The following PARD3B variants were observed in gnomAD, a reference collection of about 807,000 sequenced individuals.
PARD3B encodes the protein partitioning defective 3 homolog B.
In PARD3B, 103 loss-of-function variants were observed where a neutral mutation model predicts 130.2. The observed-to-expected ratio is 0.79, with a 90% CI of 0.67 to 0.93. The LOEUF (loss-of-function observed/expected upper bound fraction) is 0.93, where lower values mean the gene tolerates loss of function less well. Ranked by LOEUF, PARD3B falls within the 40% of genes least tolerant of loss-of-function variation. The pLI, the probability that PARD3B is intolerant of heterozygous loss-of-function variation, is 0.00. For synonymous variants in PARD3B, 583 were observed against 553.2 expected (o/e 1.05, Z -0.76); for missense variants, 1,609 against 1,499.2 (o/e 1.07, Z -1.21).
At chr2:205,355,806 G>A (rs762048460) in intron 18 of PARD3B, among the ~76,000 whole-genome samples, 14 of 152,162 alleles carry the variant, frequency 9.2e-5, no homozygotes, top group Non-Finnish European at 1.6e-4. Context: ...GGCAGAAAGC[G>A]AAGGGCAAGC....
chr2:204,895,570 TA>T (rs1432479838), intron 2 of PARD3B, among the ~76,000 whole-genome samples: 1 of 152,142 alleles, frequency 6.6e-6, no homozygotes, highest in Non-Finnish European at 1.5e-5. Context: ...CTAAGAAAAT[TA>T]TTATTGTTGC....
chr2:205,184,899 A>C (rs1001877634), intron 13 of PARD3B, among the ~76,000 whole-genome samples: 1 of 152,176 alleles, frequency 6.6e-6, no homozygotes, highest in Non-Finnish European at 1.5e-5. Context: ...TGCCAAGTTC[A>C]CACAGCAGTA....
chr2:205,569,327 T>G (rs915645753), intron 22 of PARD3B, among the ~76,000 whole-genome samples: 2 of 152,204 alleles, frequency 1.3e-5, no homozygotes, highest in African/African-American at 4.8e-5. Context: ...TTAAGCTATC[T>G]TTATGGTAAT....
At chr2:205,582,983 G>T (rs2054048725) in intron 22 of PARD3B, among the ~76,000 whole-genome samples, 1 of 152,126 alleles carries the variant, frequency 6.6e-6, no homozygotes, top group South Asian at 2.1e-4. Flanking sequence ...TATGGCAGGT[G>T]GGGGGAAGGG....
At position 205,473,654 on chromosome 2, in the gene PARD3B, ATGTGTG is replaced by A. The variant is rs751534704; in HGVS notation, c.3045-26220_3045-26215del. Among the ~76,000 whole-genome samples the A allele has an allele frequency of 7.1e-4, 88 of 123,678 alleles. 1 individual carries two copies. In the East Asian group the frequency reaches 0.012, roughly 17 times the overall value. 81.1% of individuals were successfully genotyped at this position (123,678 alleles called of 152,430 possible). A position where few individuals can be genotyped will look rare whatever the true frequency, so the allele number is the denominator to read the frequency against. On this transcript the variant is annotated intron_variant, in intron 20 of 22. Coordinates refer to ENST00000406610, the MANE Select transcript of PARD3B (RefSeq NM_001302769.2). The surrounding 1 kb of genome is among the most constrained non-coding windows in gnomAD (Gnocchi z 4.9). The stretch of plus-strand genomic sequence containing the variant: ...TGTTTCCCAATATAAGGTTATATAT[ATGTGTG>A]TGTGTGTGTGTGTGTGTGTGTATGT...
chr2:204,557,363 A>C (rs1185405680), intron 1 of PARD3B, among the ~76,000 whole-genome samples: 1 of 152,152 alleles, frequency 6.6e-6, no homozygotes, highest in African/African-American at 2.4e-5. Flanking sequence ...TGTCTAATCT[A>C]GAAACCTGGA....
At chr2:205,143,715 C>T (rs555291339) in intron 10 of PARD3B, among the ~76,000 whole-genome samples, 5 of 152,210 alleles carry the variant, frequency 3.3e-5, no homozygotes, top group African/African-American at 9.6e-5. Context: ...CTGAACAATC[C>T]CCTTCAAGAA....
At chr2:205,436,341 A>G (rs536664903) in intron 19 of PARD3B, among the ~76,000 whole-genome samples, 11 of 152,284 alleles carry the variant, frequency 7.2e-5, no homozygotes, top group African/African-American at 2.4e-4. Context: ...TCCATTATTA[A>G]TAAGTTTTTC....
intron 21 of PARD3B, among the ~76,000 whole-genome samples, chr2:205,535,050 T>C (rs979800842): frequency 6.6e-6 from 1 of 152,168 alleles, no homozygotes; most frequent in African/African-American, 2.4e-5. Context: ...AATGGAGTTC[T>C]TTTTTGCATC....
intron 2 of PARD3B, among the ~76,000 whole-genome samples, chr2:204,932,328 T>G (rs755100150): frequency 1.3e-5 from 2 of 152,158 alleles, no homozygotes; most frequent in Non-Finnish European, 2.9e-5. Context: ...TAAAATGAGC[T>G]TAATGCTCTT....
intron 2 of PARD3B, among the ~76,000 whole-genome samples, chr2:204,752,561 A>C (rs943095811): frequency 1.3e-5 from 2 of 152,180 alleles, no homozygotes; most frequent in Admixed American, 1.3e-4. Context: ...TTTGCCTTAG[A>C]GATCAGTAAG....
intron 21 of PARD3B, among the ~76,000 whole-genome samples, chr2:205,508,800 A>G (rs533970471): frequency 5.2e-4 from 79 of 152,188 alleles, no homozygotes; most frequent in Non-Finnish European, 9.4e-4. Context: ...AACCATGTCT[A>G]TACATTGCGT....
rs1380454962 is a variant in PARD3B at position 205,002,083 on chromosome 2, T to A, written c.394+36760T>A. Among the ~76,000 whole-genome samples the A allele has an allele frequency of 3.3e-5, 5 of 152,308 alleles. No individual in the cohort carries two copies. The East Asian group carries it at 5.8e-4, about 18-fold the overall frequency. ...ACGATTAACATTCATATGACACATG[T>A]GAGTAGTTTAAAAACCCAACTGCCT... On this transcript the variant is annotated intron_variant, in intron 3 of 22. Transcript: ENST00000406610.
chr2:205,452,829 A>G (rs924270119), intron 20 of PARD3B, among the ~76,000 whole-genome samples: 1 of 152,190 alleles, frequency 6.6e-6, no homozygotes, highest in East Asian at 1.9e-4. Flanking sequence ...GTTTGTACTC[A>G]GTGACCATCC....
At chr2:204,842,636 G>A (rs368338646) in intron 2 of PARD3B, among the ~76,000 whole-genome samples, 4 of 152,174 alleles carry the variant, frequency 2.6e-5, no homozygotes, top group African/African-American at 7.2e-5. Context: ...TAGAGAAGGA[G>A]AGTGGTTTCT....
chr2:205,471,186 T>C (rs1471096597), intron 20 of PARD3B, among the ~76,000 whole-genome samples: 1 of 152,104 alleles, frequency 6.6e-6, no homozygotes, highest in South Asian at 2.1e-4. Flanking sequence ...GTATTGTAGA[T>C]CCATAGGTAG....
intron 11 of PARD3B, among the ~76,000 whole-genome samples, chr2:205,163,308 A>G (rs1233403328): frequency 6.6e-6 from 1 of 152,214 alleles, no homozygotes; most frequent in East Asian, 1.9e-4. Flanking sequence ...TACATTTAAG[A>G]CTATCAGTTA....
rs80137780 is a variant in PARD3B, at chr2:205,386,056, T to C, written c.2631-14957T>C. Among the ~76,000 whole-genome samples the C allele has an allele frequency of 3.8e-4, 58 of 152,356 alleles. No individual in the cohort carries two copies. In the East Asian group the frequency reaches 5.2e-3, roughly 14 times the overall value. ...ATTTAAGTTTCATGATAGGCTTTTA[T>C]ATATTCTACAAATTTCTTTTAGAGC... is the stretch of plus-strand genomic sequence containing the variant. On this transcript the variant is annotated intron_variant, in intron 18 of 22. Transcript: ENST00000406610.
At chr2:205,284,589 G>A (rs1228180589) in intron 16 of PARD3B, among the ~76,000 whole-genome samples, 1 of 152,056 alleles carries the variant, frequency 6.6e-6, no homozygotes, top group African/African-American at 2.4e-5. Context: ...CATTAATGGC[G>A]GTAATAATAA....
Sources: gnomAD v4.1 joint callset for allele counts (sites outside exome capture counted in the v4.1 genomes callset) on GRCh38, gnomAD v4.1.1 for gene constraint, Gnocchi (gnomAD v3.1) non-coding constraint, MANE v1.5 for transcripts, NCBI Gene and HGNC (gene_info 2026-07-23, HGNC 2026-07-21) for gene names.